RELN: variants seen among roughly 807,000 people sequenced by gnomAD.
The protein encoded by RELN is reelin.
In RELN, 108 loss-of-function variants were observed where a neutral mutation model predicts 427.6. The observed-to-expected ratio is 0.25, with a 90% CI of 0.22 to 0.30. RELN has a LOEUF of 0.30. RELN is among the 10% of genes least tolerant of loss of function. RELN has a pLI of 1.00. For missense variants in RELN, 3,715 were observed against 4,302.8 expected (o/e 0.86, Z 3.82); for synonymous variants, 1,524 against 1,513.4 (o/e 1.01, Z -0.16).
At chr7:103,475,397 A>G (rs1828001176) in intron 64 of RELN, among the ~76,000 whole-genome samples, 1 of 152,096 alleles carries the variant, frequency 6.6e-6, no homozygotes, top group Admixed American at 6.5e-5. Context: ...TGGTCAAGGC[A>G]TGTTTGTTGA....
chr7:103,526,267 A>G (rs1001524222), intron 46 of RELN, among the ~76,000 whole-genome samples: 13 of 152,238 alleles, frequency 8.5e-5, no homozygotes, highest in Admixed American at 7.2e-4. Flanking sequence ...GGGACTTCCA[A>G]TGCTGACATT....
chr7:103,478,609 C>T (rs1321802027), intron 63 of RELN: 2 of 520,408 alleles, frequency 3.8e-6, no homozygotes, highest in African/African-American at 3.8e-5. Context: ...ATGTAACATG[C>T]AATATTTGCT....
At chr7:103,613,819 A>G (rs1004878807) in intron 20 of RELN, among the ~76,000 whole-genome samples, 3 of 152,226 alleles carry the variant, frequency 2.0e-5, no homozygotes, top group African/African-American at 7.2e-5. Flanking sequence ...CACTCACACC[A>G]TGAACAGTAT....
At chr7:103,952,877 G>A (rs1033451815) in intron 1 of RELN, among the ~76,000 whole-genome samples, 4 of 152,120 alleles carry the variant, frequency 2.6e-5, no homozygotes, top group African/African-American at 7.2e-5. Flanking sequence ...TTTGCTTTTC[G>A]TTTTTAATTC....
At chr7:103,540,769 C>G (rs1248932277) in intron 43 of RELN, among the ~76,000 whole-genome samples, 2 of 152,138 alleles carry the variant, frequency 1.3e-5, no homozygotes, top group African/African-American at 4.8e-5. Context: ...TGGGAGGGAT[C>G]TAAAGGCGGT....
rs1834016891 is a variant in RELN, at chr7:103,698,097, G to A, written c.903-4C>T. The A allele has an allele frequency of 6.2e-7, 1 of 1,613,468 alleles. No individual in the cohort carries two copies. ...TGTGCTGACATTGGAAGGGGCTCTGGAACATACAGAGAGATGGCAAGTTTA... is the reference window on the plus strand; with the variant it reads ...TGTGCTGACATTGGAAGGGGCTCTGAAACATACAGAGAGATGGCAAGTTTA... On this transcript the variant is annotated splice_polypyrimidine_tract_variant and splice_region_variant and intron_variant, in intron 9 of 64. Coordinates refer to ENST00000428762, the MANE Select transcript of RELN (RefSeq NM_005045.4).
At chr7:103,605,890 G>C (rs1417654777) in intron 22 of RELN, among the ~76,000 whole-genome samples, 13 of 152,174 alleles carry the variant, frequency 8.5e-5, no homozygotes, top group Admixed American at 8.5e-4. Flanking sequence ...GATTCACAGA[G>C]ACGCATCCAG....
At chr7:103,605,801 G>A (rs143401993) in intron 22 of RELN, among the ~76,000 whole-genome samples, 3 of 152,138 alleles carry the variant, frequency 2.0e-5, no homozygotes, top group South Asian at 2.1e-4. Context: ...TTAAAATTCC[G>A]ACTAAGCCTT....
chr7:103,877,620 A>G (rs1327895531), intron 2 of RELN, among the ~76,000 whole-genome samples: 2 of 152,092 alleles, frequency 1.3e-5, no homozygotes, highest in East Asian at 3.9e-4. Context: ...GTGCAAATTC[A>G]TCATACAACT....
At chr7:103,729,359 C>T (rs1235798466) in intron 6 of RELN, among the ~76,000 whole-genome samples, 3 of 152,188 alleles carry the variant, frequency 2.0e-5, no homozygotes, top group Middle Eastern at 3.4e-3. Flanking sequence ...GTGAAAGGAG[C>T]GCATAAAGCC....
intron 51 of RELN, among the ~76,000 whole-genome samples, chr7:103,505,009 C>G (rs1829160679): frequency 6.6e-6 from 1 of 152,122 alleles, no homozygotes; most frequent in South Asian, 2.1e-4. Context: ...AGGCCAACTG[C>G]CACTCTAGAT....
chr7:103,475,077 C>T (rs1204440637), intron 64 of RELN, among the ~76,000 whole-genome samples: 1 of 152,154 alleles, frequency 6.6e-6, no homozygotes, highest in Non-Finnish European at 1.5e-5. Context: ...CTTTATTTTT[C>T]TACATTCCTA....
chr7:103,857,624 G>A (rs1305381025), intron 2 of RELN, among the ~76,000 whole-genome samples: 2 of 152,194 alleles, frequency 1.3e-5, no homozygotes, highest in East Asian at 3.9e-4. Context: ...CATATGGTGA[G>A]TATGTGGATG....
At chr7:103,857,098 C>T (rs897700839) in intron 2 of RELN, among the ~76,000 whole-genome samples, 1 of 152,018 alleles carries the variant, frequency 6.6e-6, no homozygotes, top group Non-Finnish European at 1.5e-5. Context: ...CTGCATTACC[C>T]CTCTCTTGCA....
At position 103,660,227 on chromosome 7, in the gene RELN, T is replaced by C. The variant is rs866908297; in HGVS notation, c.1441+1149A>G. 1.7e-4 allele frequency among the ~76,000 whole-genome samples: 26 copies of C among 152,254 alleles called. No homozygotes were observed. In the South Asian group the frequency reaches 4.2e-3, roughly 24 times the overall value. Reference sequence around the variant, plus strand: ...ATTAGGCTGGCATACTAAATGTTTATTACAACTTTTTTGGAGGAGGGCTTA... The same window carrying C: ...ATTAGGCTGGCATACTAAATGTTTACTACAACTTTTTTGGAGGAGGGCTTA... On this transcript the variant is annotated intron_variant, in intron 12 of 64. Transcript: ENST00000428762.
At chr7:103,800,292 C>T (rs906717642) in intron 3 of RELN, among the ~76,000 whole-genome samples, 1 of 152,220 alleles carries the variant, frequency 6.6e-6, no homozygotes, top group Admixed American at 6.5e-5. Flanking sequence ...AGCAAAGTCT[C>T]AGGATACAAA....
At chr7:103,844,426 A>G (rs1000987370) in intron 2 of RELN, among the ~76,000 whole-genome samples, 24 of 152,230 alleles carry the variant, frequency 1.6e-4, no homozygotes, top group Admixed American at 1.3e-3. Flanking sequence ...TTCTGGACAA[A>G]CTAATAACAG....
chr7:103,611,883 T>C (rs1290951941), intron 20 of RELN, 80 bp from the exon 21 acceptor site: 10 of 1,075,412 alleles, frequency 9.3e-6, no homozygotes, highest in Non-Finnish European at 1.3e-5. Context: ...CTTCACACTA[T>C]ATACCAAAAT....
Position 103,545,163 on chromosome 7 carries a change from T to C in RELN, c.6484A>G (p.Ser2162Gly). Residue 2162 changes from serine to glycine, a missense_variant, in exon 42 of 65, where the codon AGC becomes GGC. Transcript: ENST00000428762. Reference protein sequence around the residue: ...PGYSGPTCKISTKNPDFLKDD... With the variant: ...PGYSGPTCKIGTKNPDFLKDD... ...TTGAGAAAATCAGGATTTTTGGTGC[T>C]TATTTTACAGGTTGGACCTGAGTAG... The C allele has an allele frequency of 6.2e-7, 1 of 1,614,108 alleles. No homozygotes were observed. Among genetic ancestry groups the C allele is most frequent in the East Asian group, 2.2e-5 (1 of 44,886 alleles).
Sources: gnomAD v4.1 joint callset for allele counts (sites outside exome capture counted in the v4.1 genomes callset) on GRCh38, gnomAD v4.1.1 for gene constraint, MANE v1.5 for transcripts, NCBI Gene and HGNC (gene_info 2026-07-23, HGNC 2026-07-21) for gene names.